The following ISM2 variants were observed in gnomAD, a reference collection of about 807,000 sequenced individuals.
ISM2 encodes the protein isthmin 2, also known as isthmin-2.
Under a neutral mutation model 58.0 loss-of-function variants are expected in ISM2, and 50 were observed. The ratio of observed to expected loss-of-function variants is 0.86; its 90% CI spans 0.69 to 1.09. The LOEUF is 1.09. Ranked by LOEUF, ISM2 falls within the 50% of genes least tolerant of loss-of-function variation. The pLI is 0.00. For missense variants in ISM2, 723 were observed against 745.0 expected (o/e 0.97, Z 0.34); for synonymous variants, 303 against 312.4 (o/e 0.97, Z 0.32).
intron 1 of ISM2, chr14:77,498,296 C>G: frequency 1.5e-6 from 2 of 1,342,136 alleles, no homozygotes; most frequent in Non-Finnish European, 2.0e-6. Context: ...CGGCGGGACT[C>G]CTCTCCGAGC....
rs2079085020 is a variant in ISM2 at position 77,474,621 on chromosome 14, C to T, written c.*974G>A. The T allele has an allele frequency of 6.6e-6, 1 of 152,314 alleles. No homozygotes were observed. The highest frequency in any genetic ancestry group is 2.1e-4 in the South Asian group (1 of 4,830). 9.4% of individuals were successfully genotyped at this position (152,314 alleles called of 1,614,324 possible). ...AGCGATTATGTGCATCTCTTCCCAA[C>T]TCTGAGTTCAGTGCATTCAGTGATG... On this transcript the variant is annotated 3_prime_UTR_variant, in exon 7 of 7. Transcript: ENST00000342219.
intron 6 of ISM2, among the ~76,000 whole-genome samples, chr14:77,476,440 T>C (rs1436284201): frequency 1.3e-5 from 2 of 152,230 alleles, no homozygotes; most frequent in South Asian, 2.1e-4. Flanking sequence ...TCCTGAGATC[T>C]TGGAAAAGGA....
intron 1 of ISM2, chr14:77,498,242 G>C: frequency 7.7e-7 from 1 of 1,295,600 alleles, no homozygotes; most frequent in Non-Finnish European, 1.0e-6. Flanking sequence ...TTGAACCTCA[G>C]CGGCCCTGGC....
chr14:77,475,537 G>A lies in ISM2; in HGVS notation c.*58C>T, dbSNP rs558298658. On this transcript the variant is annotated 3_prime_UTR_variant, in exon 7 of 7. Transcript: ENST00000342219. The surrounding 1 kb of genome is among the most constrained non-coding windows in gnomAD (Gnocchi z 4.1). ...AGGGGCGGGTGAGGAAAGTTCTCCC[G>A]TGCAACAGCAGCAGCCGCCTGCCCT... The A allele has an allele frequency of 4.7e-4, 393 of 828,772 alleles. 2 individuals carry two copies. The East Asian group carries it at 8.2e-3, about 17-fold the overall frequency. The allele number at this position is 828,772 out of a possible 1,614,324, so 51.3% of individuals were successfully genotyped here.
intron 1 of ISM2, chr14:77,498,385 C>T: frequency 1.5e-6 from 2 of 1,312,210 alleles, no homozygotes; most frequent in South Asian, 2.7e-5. Flanking sequence ...GTGTCGGCCA[C>T]CTCACTCCGC....
chr14:77,478,108 G>A, intron 6 of ISM2, 134 bp downstream of exon 6: 1 of 756,396 alleles, frequency 1.3e-6, no homozygotes. Context: ...TGTTGGAGAA[G>A]CAAACCTTCC....
rs2139960228 is a variant in ISM2 at position 77,482,837 on chromosome 14, C to T, written c.628-170G>A. ...CTAACCTTCCTGGCCTCTTAGGGCA[C>T]AAGAATCACAGCTTACGGCCTGGAG... is the stretch of plus-strand genomic sequence containing the variant. On this transcript the variant is annotated intron_variant, in intron 3 of 6. Transcript: ENST00000342219. 5.5e-6 allele frequency: 3 copies of T among 542,796 alleles called. No homozygotes were observed. In the South Asian group the frequency reaches 8.6e-5, roughly 16 times the overall value. The allele number at this position is 542,796 out of a possible 1,614,324, so 33.6% of individuals were successfully genotyped here.
At chr14:77,488,954 A>G (rs1007496191) in intron 1 of ISM2, among the ~76,000 whole-genome samples, 1 of 152,196 alleles carries the variant, frequency 6.6e-6, no homozygotes, top group Admixed American at 6.5e-5. Flanking sequence ...GCATGCATGT[A>G]CAAACACACA....
rs544573417 is a variant in ISM2, at chr14:77,478,268, C to A, written c.1172G>T (p.Arg391Leu). The change falls in exon 6 of 7, where the codon CGC becomes CTC. Residue 391 changes from arginine (R) to leucine (L), a missense_variant. Arg to Leu is a moderately radical substitution (Grantham distance 102). Transcript: ENST00000342219. ...LPSEEWKLLA[R>L]NATDMHDQDV... ...TTGATCATGCATGTCCGTAGCATTG[C>A]GGGCCAGGAGCTTCCACTCCTCACT... 8.7e-6 allele frequency: 14 copies of A among 1,614,114 alleles called. No homozygotes were observed. In the South Asian group the frequency reaches 9.9e-5, roughly 11 times the overall value.
At chr14:77,497,025 A>G (rs1389086868) in intron 1 of ISM2, among the ~76,000 whole-genome samples, 1 of 151,416 alleles carries the variant, frequency 6.6e-6, no homozygotes, top group Admixed American at 6.6e-5. Flanking sequence ...CTCACTCACA[A>G]TCTCCCACAC....
intron 1 of ISM2, among the ~76,000 whole-genome samples, chr14:77,486,820 A>C (rs1470361818): frequency 1.3e-5 from 2 of 150,384 alleles, no homozygotes; most frequent in African/African-American, 4.9e-5. Flanking sequence ...TGTGATTGTC[A>C]CAGCTAGAGG....
intron 1 of ISM2, among the ~76,000 whole-genome samples, 193 bp from the exon 2 acceptor site, chr14:77,485,112 G>T (rs2079159951): frequency 6.6e-6 from 1 of 152,204 alleles, no homozygotes; most frequent in Admixed American, 6.5e-5. Context: ...GCCCTCAACG[G>T]GTAAGTGAGG....
intron 4 of ISM2, among the ~76,000 whole-genome samples, 199 bp from the exon 5 acceptor site, chr14:77,478,914 AT>A (rs1420162059): frequency 1.3e-5 from 2 of 152,174 alleles, no homozygotes; most frequent in African/African-American, 4.8e-5. Flanking sequence ...ACCTGTGCAA[AT>A]ATATCAGGTG....
intron 1 of ISM2, among the ~76,000 whole-genome samples, chr14:77,497,106 A>G (rs2079247600): frequency 6.6e-6 from 1 of 151,986 alleles, no homozygotes; most frequent in South Asian, 2.1e-4. Context: ...GCAGTGGCTC[A>G]CACCTGTAAT....
chr14:77,482,762 G>C (rs777152452), intron 3 of ISM2, 95 bp from the exon 4 acceptor site: 6 of 752,008 alleles, frequency 8.0e-6, no homozygotes, highest in Non-Finnish European at 1.3e-5. Flanking sequence ...GAGGTGAGAG[G>C]CCCAACCTTT....
At position 77,478,638 on chromosome 14, in the gene ISM2, G is replaced by A. The variant is rs747609625; in HGVS notation, c.1051C>T (p.Arg351Trp). 33 of 1,613,830 alleles carry A rather than the reference G, an allele frequency of 2.0e-5. No individual in the cohort carries two copies. In the Middle Eastern group the frequency reaches 9.9e-4, roughly 48 times the overall value. ...NCSTGKQQRTRPCGYGCTATE... is the reference protein window; with the variant it reads ...NCSTGKQQRTWPCGYGCTATE... ...GCAGTGCAGCCATAGCCACAGGGCC[G>A]AGTCCTCTGCTGCTTGCCAGTGCTG... Residue 351 changes from arginine to tryptophan, a missense_variant, in exon 5 of 7, where the codon CGG becomes TGG. By Grantham distance (101) the Arg-to-Trp change is moderately radical. Transcript: ENST00000342219.
At chr14:77,483,652 G>C (rs536479138) in intron 3 of ISM2, among the ~76,000 whole-genome samples, 58 of 152,082 alleles carry the variant, frequency 3.8e-4, no homozygotes, top group African/African-American at 1.3e-3. Flanking sequence ...GCGTGTGTGT[G>C]TGTGTGTCTG....
At chr14:77,492,517 T>G (rs965548242) in intron 1 of ISM2, among the ~76,000 whole-genome samples, 1 of 3,552 alleles carries the variant, frequency 2.8e-4, no homozygotes, top group Non-Finnish European at 1.7e-3. Flanking sequence ...GGCCCCAGCC[T>G]TTTTTTTTTT....
intron 1 of ISM2, among the ~76,000 whole-genome samples, chr14:77,494,456 G>A (rs2079226643): frequency 6.6e-6 from 1 of 152,022 alleles, no homozygotes; most frequent in South Asian, 2.1e-4. Context: ...GAGTGCAGTG[G>A]CACAATCTCG....
Sources: allele counts gnomAD v4.1 joint callset (sites outside exome capture counted in the v4.1 genomes callset), GRCh38; gene constraint gnomAD v4.1.1; non-coding constraint Gnocchi (gnomAD v3.1); transcripts MANE v1.5; gene names NCBI Gene and HGNC (gene_info 2026-07-23, HGNC 2026-07-21).